OSBPL6: variants seen among roughly 807,000 people sequenced by gnomAD.
The protein encoded by OSBPL6 is oxysterol binding protein like 6, also known as oxysterol-binding protein-related protein 6.
In OSBPL6, 49 loss-of-function variants were observed where a neutral mutation model predicts 125.8. That is an observed-to-expected ratio of 0.39 (90% CI 0.31 to 0.49). The LOEUF (loss-of-function observed/expected upper bound fraction) is 0.49. Ranked by LOEUF, OSBPL6 falls within the 20% of genes least tolerant of loss-of-function variation. OSBPL6 has a pLI of 0.88. For missense variants in OSBPL6, 986 were observed against 1,135.4 expected (o/e 0.87, Z 1.89); for synonymous variants, 394 against 391.8 (o/e 1.01, Z -0.07).
chr2:178,356,843 A>G (rs1281989204), intron 12 of OSBPL6, among the ~76,000 whole-genome samples: 2 of 152,220 alleles, frequency 1.3e-5, no homozygotes, highest in Admixed American at 6.5e-5. Flanking sequence ...AAACTATACT[A>G]CAAGGCTACA....
intron 1 of OSBPL6, among the ~76,000 whole-genome samples, chr2:178,234,258 G>A (rs2090956623): frequency 6.6e-6 from 1 of 152,140 alleles, no homozygotes. Flanking sequence ...TGAATATGGA[G>A]TTGGAGAGAA....
intron 8 of OSBPL6, 26 bp from the exon 9 acceptor site, chr2:178,336,275 A>G (rs1689675566): frequency 5.6e-6 from 9 of 1,611,272 alleles, no homozygotes; most frequent in Non-Finnish European, 7.6e-6. Flanking sequence ...TTTCATAACC[A>G]TACAATTCAT....
chr2:178,213,634 T>G (rs1321590652), intron 1 of OSBPL6, among the ~76,000 whole-genome samples: 1 of 152,188 alleles, frequency 6.6e-6, no homozygotes, highest in African/African-American at 2.4e-5. Flanking sequence ...AAAGCACAAG[T>G]CTGATCATGT....
At chr2:178,205,034 T>G (rs905459465) in intron 1 of OSBPL6, among the ~76,000 whole-genome samples, 1 of 152,190 alleles carries the variant, frequency 6.6e-6, no homozygotes, top group Non-Finnish European at 1.5e-5. Flanking sequence ...CCCCAGCCTT[T>G]CTCAGTTTCA....
At chr2:178,237,725 A>G (rs931917248) in intron 1 of OSBPL6, among the ~76,000 whole-genome samples, 2 of 152,090 alleles carry the variant, frequency 1.3e-5, no homozygotes, top group Non-Finnish European at 2.9e-5. Flanking sequence ...TACTAGTAAC[A>G]CCCTGGAGTT....
intron 1 of OSBPL6, among the ~76,000 whole-genome samples, chr2:178,280,368 A>G (rs1376011381): frequency 6.6e-6 from 1 of 152,196 alleles, no homozygotes; most frequent in Non-Finnish European, 1.5e-5. Flanking sequence ...AATGTTTCTA[A>G]TATTTTTGGC....
intron 2 of OSBPL6, among the ~76,000 whole-genome samples, chr2:178,286,564 C>T (rs1684710534): frequency 6.6e-6 from 1 of 152,174 alleles, no homozygotes; most frequent in Non-Finnish European, 1.5e-5. Context: ...TAAGATGTTT[C>T]AGGCCATGGG....
At chr2:178,245,745 GTTATAGC>G (rs1260891639) in intron 1 of OSBPL6, among the ~76,000 whole-genome samples, 1 of 152,170 alleles carries the variant, frequency 6.6e-6, no homozygotes, top group Non-Finnish European at 1.5e-5. Context: ...GTCTGGCATT[GTTATAGC>G]TCATTCACTG....
At chr2:178,355,177 C>T (rs923279080) in intron 12 of OSBPL6, among the ~76,000 whole-genome samples, 1 of 152,098 alleles carries the variant, frequency 6.6e-6, no homozygotes. Flanking sequence ...ATTAAAAGAA[C>T]TAGAGAAGCA....
Position 178,401,008 on chromosome 2 carries a change from T to C in OSBPL6, c.*5449T>C, listed in dbSNP as rs1010689473. 2 of 152,220 alleles carry C rather than the reference T, an allele frequency of 1.3e-5. No homozygotes were observed. The highest frequency in any genetic ancestry group is 4.8e-5 in the African/African-American group (2 of 41,458). 9.4% of individuals were successfully genotyped at this position (152,220 alleles called of 1,614,324 possible). A position where few individuals can be genotyped will look rare whatever the true frequency, so the allele number is the denominator to read the frequency against. ...AAATGAAAAAAAATTATTTAAAAAA[T>C]TTAGATTTGAAATGCTTAGAAAACA... On this transcript the variant is annotated 3_prime_UTR_variant, in exon 25 of 25. Transcript: ENST00000190611.
chr2:178,372,951 A>G (rs1693537657), intron 14 of OSBPL6, among the ~76,000 whole-genome samples: 2 of 152,254 alleles, frequency 1.3e-5, no homozygotes, highest in South Asian at 4.1e-4. Context: ...ACTTTATAGC[A>G]TGAGAACTTA....
rs367905415 is a variant in OSBPL6, at chr2:178,394,387, G to A, written c.2648G>A (p.Arg883Lys). ...GTAGAGGAACTCCAGAGATCTCGGA[G>A]ACGATATATGGAAGAAAACAATCTT... ...QRVEELQRSR[R>K]RYMEENNLEH... The change falls in exon 24 of 25, where the codon AGA becomes AAA. Residue 883 changes from arginine (R) to lysine (K), a missense_variant. By Grantham distance (26) the Arg-to-Lys change is conservative. Transcript: ENST00000190611. 1 of 1,613,244 alleles carries A rather than the reference G, an allele frequency of 6.2e-7. No individual in the cohort carries two copies. The highest frequency in any genetic ancestry group is 1.3e-5 in the African/African-American group (1 of 74,966).
chr2:178,263,170 A>G (rs2154018770), intron 1 of OSBPL6, among the ~76,000 whole-genome samples: 1 of 152,352 alleles, frequency 6.6e-6, no homozygotes, highest in Non-Finnish European at 1.5e-5. Context: ...GATCTTGGAT[A>G]AAAGCACATA....
intron 10 of OSBPL6, 58 bp from the exon 11 acceptor site, chr2:178,339,614 G>A (rs930682393): frequency 4.3e-6 from 6 of 1,388,506 alleles, no homozygotes; most frequent in Non-Finnish European, 5.9e-6. Flanking sequence ...GTCTATATCT[G>A]TATCATCTGT....
chr2:178,257,038 G>T (rs980425156), intron 1 of OSBPL6, among the ~76,000 whole-genome samples: 1 of 152,080 alleles, frequency 6.6e-6, no homozygotes, highest in African/African-American at 2.4e-5. Flanking sequence ...TTCTTGAATC[G>T]AATATATGTG....
intron 12 of OSBPL6, among the ~76,000 whole-genome samples, chr2:178,357,613 G>C (rs540933763): frequency 6.6e-6 from 1 of 152,272 alleles, no homozygotes; most frequent in East Asian, 1.9e-4. Flanking sequence ...TGGAGAAATA[G>C]GAACGCTTTT....
chr2:178,381,506 A>T (rs1185211330), intron 15 of OSBPL6, among the ~76,000 whole-genome samples: 5 of 152,242 alleles, frequency 3.3e-5, no homozygotes, highest in African/African-American at 1.2e-4. Context: ...GGCGCATGCC[A>T]CCACACCCGG....
intron 1 of OSBPL6, among the ~76,000 whole-genome samples, chr2:178,229,935 T>C (rs2090748195): frequency 6.6e-6 from 1 of 152,252 alleles, no homozygotes; most frequent in South Asian, 2.1e-4. Flanking sequence ...CAGGTGATTC[T>C]GATCTACATT....
intron 1 of OSBPL6, among the ~76,000 whole-genome samples, chr2:178,199,557 G>T (rs936215255): frequency 3.6e-4 from 55 of 151,582 alleles, no homozygotes; most frequent in Admixed American, 9.2e-4. Flanking sequence ...AATGTCATGG[G>T]GAGCCTCTGC....
Sources: allele counts gnomAD v4.1 joint callset (sites outside exome capture counted in the v4.1 genomes callset), GRCh38; gene constraint gnomAD v4.1.1; transcripts MANE v1.5; gene names NCBI Gene and HGNC (gene_info 2026-07-23, HGNC 2026-07-21).